PCDHGA1: variants seen among roughly 807,000 people sequenced by gnomAD.
The protein encoded by PCDHGA1 is protocadherin gamma-A1.
PCDHGA1 carries 32 observed loss-of-function variants against 58.0 expected under a neutral mutation model. That is an observed-to-expected ratio of 0.55 (90% CI 0.42 to 0.74). The LOEUF is 0.74. Among genes scored for constraint, PCDHGA1 ranks in the 30% least tolerant of loss-of-function variants. The probability of loss-of-function intolerance (pLI) is 0.00; values close to 1 mark genes in which losing one functional copy is unlikely to be tolerated. For synonymous variants in PCDHGA1, 498 were observed against 501.1 expected (o/e 0.99, Z 0.08); for missense variants, 1,205 against 1,182.3 (o/e 1.02, Z -0.28).
chr5:141,491,479 C>T lies in PCDHGA1; in HGVS notation c.2422-3328C>T. On this transcript the variant is annotated intron_variant, in intron 1 of 3. Transcript: ENST00000517417. The surrounding 1 kb of genome is among the most constrained non-coding windows in gnomAD (Gnocchi z 6.9). ...CCCGGACTTCTATAAGCAGTCCAGCCCCAACCTGCAGGTGAGCTCGGACGG... is the reference window on the plus strand; with the variant it reads ...CCCGGACTTCTATAAGCAGTCCAGCTCCAACCTGCAGGTGAGCTCGGACGG... 1 of 1,614,144 alleles carries T rather than the reference C, an allele frequency of 6.2e-7. No homozygotes were observed. Among genetic ancestry groups the T allele is most frequent in the Non-Finnish European group, 8.5e-7 (1 of 1,180,024 alleles).
intron 3 of PCDHGA1, among the ~76,000 whole-genome samples, chr5:141,510,741 C>A (rs11953770): frequency 1.3e-5 from 2 of 152,138 alleles, no homozygotes; most frequent in Non-Finnish European, 1.5e-5. Context: ...GGAATCAAAC[C>A]TAGACTTTCT....
At chr5:141,386,031 T>C (rs1010302626) in intron 1 of PCDHGA1, 2 of 152,232 alleles carry the variant, frequency 1.3e-5, no homozygotes, top group Non-Finnish European at 1.5e-5. Flanking sequence ...ATTTGTGACA[T>C]AGGCAATTAC....
At chr5:141,408,563 G>T (rs1266893654) in intron 1 of PCDHGA1, 1 of 1,614,040 alleles carries the variant, frequency 6.2e-7, no homozygotes, top group South Asian at 1.1e-5. Flanking sequence ...TCATGTCATT[G>T]TGGTGATTGA....
intron 1 of PCDHGA1, chr5:141,366,731 A>G: frequency 6.2e-7 from 1 of 1,613,012 alleles, no homozygotes; most frequent in Non-Finnish European, 8.5e-7. Flanking sequence ...AGATGCAAAC[A>G]AAGAAGAACG....
At chr5:141,441,757 G>A (rs1423867327) in intron 1 of PCDHGA1, 2 of 381,638 alleles carry the variant, frequency 5.2e-6, no homozygotes, top group Middle Eastern at 6.5e-4. Context: ...GTCAACGTGA[G>A]CCTGCGCGTG....
intron 1 of PCDHGA1, among the ~76,000 whole-genome samples, chr5:141,444,372 T>C (rs967151811): frequency 6.6e-6 from 1 of 151,998 alleles, no homozygotes. Context: ...GGTTTCTCCA[T>C]GTTGGTCAGG....
intron 1 of PCDHGA1, chr5:141,405,289 C>G (rs1206637203): frequency 1.7e-5 from 28 of 1,614,070 alleles, no homozygotes; most frequent in Non-Finnish European, 2.4e-5. Context: ...CAGACACACT[C>G]ATCAGCCAGC....
At chr5:141,405,523 G>T (rs140184617) in intron 1 of PCDHGA1, 2 of 679,202 alleles carry the variant, frequency 2.9e-6, no homozygotes, top group African/African-American at 3.6e-5. Context: ...AAATTCAAGC[G>T]ATTCTCCTGC....
chr5:141,479,328 G>A (rs568506786), intron 1 of PCDHGA1: 1 of 152,654 alleles, frequency 6.6e-6, no homozygotes, highest in East Asian at 1.9e-4. Flanking sequence ...CAGACTCAGT[G>A]GTGTGCACCT....
chr5:141,388,426 T>C, intron 1 of PCDHGA1: 1 of 1,613,864 alleles, frequency 6.2e-7, no homozygotes, highest in Non-Finnish European at 8.5e-7. Context: ...TTCTCACTGA[T>C]AAATAAAGAG....
intron 1 of PCDHGA1, chr5:141,395,109 A>C (rs1181706209): frequency 6.2e-7 from 1 of 1,614,210 alleles, no homozygotes; most frequent in Non-Finnish European, 8.5e-7. Flanking sequence ...CTCGCGGAAG[A>C]GTCACCTGAT....
intron 1 of PCDHGA1, among the ~76,000 whole-genome samples, chr5:141,444,275 G>A (rs1427489988): frequency 7.1e-6 from 1 of 141,698 alleles, no homozygotes; most frequent in Non-Finnish European, 1.5e-5. Flanking sequence ...AGGTTCAAGT[G>A]ATTCTCCTGC....
Position 141,425,952 on chromosome 5 carries a change from T to C in PCDHGA1, c.2422-68855T>C, listed in dbSNP as rs1047436598. 3.9e-5 allele frequency among the ~76,000 whole-genome samples: 6 copies of C among 152,364 alleles called. No individual in the cohort carries two copies. In the South Asian group the frequency reaches 8.3e-4, roughly 21 times the overall value. ...ATAAAATGTCTAGTTTCCTATACATTAGTCCAACACATCAGTCTAATTCTG... is the reference window on the plus strand; with the variant it reads ...ATAAAATGTCTAGTTTCCTATACATCAGTCCAACACATCAGTCTAATTCTG... On this transcript the variant is annotated intron_variant, in intron 1 of 3. Coordinates refer to ENST00000517417, the MANE Select transcript of PCDHGA1 (RefSeq NM_018912.3).
At chr5:141,504,182 C>A (rs2099836345) in intron 2 of PCDHGA1, among the ~76,000 whole-genome samples, 1 of 152,234 alleles carries the variant, frequency 6.6e-6, no homozygotes, top group Non-Finnish European at 1.5e-5. Context: ...TCAAAAAAAT[C>A]ATGAAAATTG....
At chr5:141,392,322 A>G (rs2092513343) in intron 1 of PCDHGA1, 1 of 152,296 alleles carries the variant, frequency 6.6e-6, no homozygotes, top group South Asian at 2.1e-4. Flanking sequence ...TTAAGACCAA[A>G]TGTATTGCAG....
intron 1 of PCDHGA1, among the ~76,000 whole-genome samples, chr5:141,362,796 T>C (rs1462578266): frequency 6.6e-6 from 1 of 152,252 alleles, no homozygotes; most frequent in Non-Finnish European, 1.5e-5. Context: ...TTCTTCCTCA[T>C]CTTTACATTA....
chr5:141,347,104 T>C (rs1483718099), intron 1 of PCDHGA1, among the ~76,000 whole-genome samples: 5 of 151,012 alleles, frequency 3.3e-5, no homozygotes, highest in Non-Finnish European at 7.4e-5. Flanking sequence ...CCTTCCTCTC[T>C]CTCTTTCCTC....
At chr5:141,510,863 A>G in intron 3 of PCDHGA1, 84 bp from the exon 4 acceptor site, 1 of 1,607,492 alleles carries the variant, frequency 6.2e-7, no homozygotes, top group African/African-American at 1.3e-5. Flanking sequence ...CTGTATAGGC[A>G]TTCATTAACT....
intron 1 of PCDHGA1, chr5:141,357,812 C>T (rs1027882295): frequency 1.1e-5 from 8 of 753,406 alleles, no homozygotes; most frequent in African/African-American, 1.8e-5. Context: ...TTGTTTATTA[C>T]TTATCCTTTT....
Sources: gnomAD v4.1 joint callset for allele counts (sites outside exome capture counted in the v4.1 genomes callset) on GRCh38, gnomAD v4.1.1 for gene constraint, Gnocchi (gnomAD v3.1) non-coding constraint, MANE v1.5 for transcripts, NCBI Gene and HGNC (gene_info 2026-07-23, HGNC 2026-07-21) for gene names.